The following HERC3 variants were observed in gnomAD, a reference collection of about 807,000 sequenced individuals.
HERC3 encodes probable E3 ubiquitin-protein ligase HERC3.
In HERC3, 58 loss-of-function variants were observed where a neutral mutation model predicts 129.9. That is an observed-to-expected ratio of 0.45 (90% CI 0.36 to 0.56). HERC3 has a LOEUF of 0.56. HERC3 is among the 20% of genes least tolerant of loss of function. The pLI, the probability that HERC3 is intolerant of heterozygous loss-of-function variation, is 0.00. For missense variants in HERC3, 835 were observed against 1,244.2 expected, an observed-to-expected ratio of 0.67 and a Z score of 4.95; for synonymous variants, 430 against 451.0, an observed-to-expected ratio of 0.95 and a Z score of 0.59.
chr4:88,544,203 G>A, the HERC3 span, among the ~76,000 whole-genome samples: 5,974 of 152,050 alleles, frequency 0.039, 163 homozygotes, highest in South Asian at 0.11. Context: ...GAATCTACAA[G>A]GAATGAAAAC....
the HERC3 span, among the ~76,000 whole-genome samples, chr4:88,587,017 A>T: frequency 5.9e-5 from 9 of 152,220 alleles, no homozygotes; most frequent in Non-Finnish European, 1.3e-4. Flanking sequence ...CAATTACAGT[A>T]TCTATAGTAT....
the HERC3 span, among the ~76,000 whole-genome samples, chr4:88,546,003 T>A: frequency 3.9e-5 from 6 of 152,200 alleles, no homozygotes; most frequent in Non-Finnish European, 8.8e-5. Context: ...AAATCACTTA[T>A]TAATAGTATA....
At chr4:88,537,387 T>G in the HERC3 span, among the ~76,000 whole-genome samples, 1 of 152,294 alleles carries the variant, frequency 6.6e-6, no homozygotes, top group South Asian at 2.1e-4. Flanking sequence ...ATTCCTCAAT[T>G]TGGATGTGTC....
chr4:88,643,553 C>T (rs1268303643), intron 3 of HERC3, among the ~76,000 whole-genome samples: 27 of 152,164 alleles, frequency 1.8e-4, no homozygotes. Flanking sequence ...TCCAATAGAA[C>T]AGAATAAAGC....
At chr4:88,692,529 A>G (rs1734178810) in intron 23 of HERC3, among the ~76,000 whole-genome samples, 1 of 152,214 alleles carries the variant, frequency 6.6e-6, no homozygotes, top group Admixed American at 6.5e-5. Context: ...GACCGCTGGC[A>G]GACTTCAGTT....
chr4:88,593,999 C>G (rs1288527451), intron 1 of HERC3, among the ~76,000 whole-genome samples: 1 of 152,148 alleles, frequency 6.6e-6, no homozygotes, highest in Non-Finnish European at 1.5e-5. Context: ...GCCTTCGAGG[C>G]TAGGAACTTT....
chr4:88,676,279 C>T, intron 17 of HERC3, 38 bp downstream of exon 17: 1 of 1,570,138 alleles, frequency 6.4e-7, no homozygotes, highest in Non-Finnish European at 8.8e-7. Flanking sequence ...TATATTTTTC[C>T]AGCTATACTT....
At chr4:88,622,884 G>A (rs978562726) in intron 3 of HERC3, among the ~76,000 whole-genome samples, 2 of 152,138 alleles carry the variant, frequency 1.3e-5, no homozygotes, top group Non-Finnish European at 2.9e-5. Flanking sequence ...AGCTGAAATT[G>A]CGTCACTGCA....
At chr4:88,613,630 A>G (rs1389840899) in intron 3 of HERC3, among the ~76,000 whole-genome samples, 1 of 152,260 alleles carries the variant, frequency 6.6e-6, no homozygotes. Flanking sequence ...CTGAGCTGAA[A>G]GGAAATAGAA....
At position 88,667,403 on chromosome 4, in the gene HERC3, C is replaced by T; in HGVS notation, c.1358C>T (p.Pro453Leu). Residue 453 changes from proline to leucine, a missense_variant, in exon 13 of 26, where the codon CCC (proline) becomes CTC (leucine). Physicochemically the swap from Pro to Leu is moderately conservative, Grantham distance 98. Coordinates refer to ENST00000402738, the MANE Select transcript of HERC3 (RefSeq NM_014606.3). ...KKIDEHFKTS[P>L]KIPGIDLNST... ...ATTGATGAACATTTTAAAACGAGTC[C>T]CAAAATCCCTGGGATTGACCTGAAC... The T allele has an allele frequency of 1.2e-6, 2 of 1,601,072 alleles. No homozygotes were observed. Among genetic ancestry groups the T allele is most frequent in the Non-Finnish European group, 1.7e-6 (2 of 1,173,882 alleles).
chr4:88,525,193 A>T, the HERC3 span, among the ~76,000 whole-genome samples: 9 of 152,214 alleles, frequency 5.9e-5, no homozygotes, highest in African/African-American at 2.2e-4. Context: ...CTCACAAAGC[A>T]ATCTTTCACA....
chr4:88,674,357 A>G (rs1731935785), intron 16 of HERC3, among the ~76,000 whole-genome samples: 2 of 152,218 alleles, frequency 1.3e-5, no homozygotes, highest in African/African-American at 4.8e-5. Flanking sequence ...AAATGTCAGT[A>G]TGTACTTAAA....
Position 88,655,962 on chromosome 4 carries a change from T to C in HERC3, c.996T>C (p.Thr332=). The change falls in exon 9 of 26, where the codon ACT becomes ACC. Residue 332 remains threonine, a synonymous_variant. Transcript: ENST00000402738. Reference sequence around the variant, plus strand: ...GAGGTCAATTAGGAACTGGGCACACTTGTAATGTTAAGTGCCCATCTCCTG... The same window carrying C: ...GAGGTCAATTAGGAACTGGGCACACCTGTAATGTTAAGTGCCCATCTCCTG... ...GARGQLGTGH[T]CNVKCPSPVK... The C allele has an allele frequency of 6.2e-7, 1 of 1,614,092 alleles. No individual in the cohort carries two copies. Among genetic ancestry groups the C allele is most frequent in the Non-Finnish European group, 8.5e-7 (1 of 1,179,916 alleles).
At chr4:88,527,891 A>C in the HERC3 span, 1 of 286,978 alleles carries the variant, frequency 3.5e-6, no homozygotes, top group Admixed American at 3.8e-5. Flanking sequence ...TACCACTGGG[A>C]CAACAGCACC....
At chr4:88,609,528 T>TCTCAAGCAATCTGCCTGCC in intron 3 of HERC3, among the ~76,000 whole-genome samples, 1 of 152,180 alleles carries the variant, frequency 6.6e-6, no homozygotes, top group African/African-American at 2.4e-5. Flanking sequence ...GGGATCTAGT[T>TCTCAAGCAATCTGCCTGCC]TTTTATCTAC....
the HERC3 span, among the ~76,000 whole-genome samples, chr4:88,551,134 T>G: frequency 2.0e-5 from 3 of 151,654 alleles, no homozygotes; most frequent in Middle Eastern, 6.8e-3. Context: ...AAAAATTAAT[T>G]CAAGATGGAT....
At chr4:88,677,349 T>A (rs1465268408) in intron 18 of HERC3, among the ~76,000 whole-genome samples, 1 of 152,158 alleles carries the variant, frequency 6.6e-6, no homozygotes, top group African/African-American at 2.4e-5. Context: ...TATAATTGAT[T>A]TTGACAAGCC....
chr4:88,563,833 T>G, the HERC3 span, among the ~76,000 whole-genome samples: 1 of 152,052 alleles, frequency 6.6e-6, no homozygotes, highest in Admixed American at 6.6e-5. Context: ...TAATTTTGTA[T>G]TTTTAGTAGA....
chr4:88,528,087 T>C, the HERC3 span: 10 of 282,848 alleles, frequency 3.5e-5, no homozygotes, highest in East Asian at 1.0e-4. Flanking sequence ...TCTGTGTATA[T>C]GTGCAATCCA....
Sources: gnomAD v4.1 joint callset for allele counts (sites outside exome capture counted in the v4.1 genomes callset) on GRCh38, gnomAD v4.1.1 for gene constraint, MANE v1.5 for transcripts, NCBI Gene and HGNC (gene_info 2026-07-23, HGNC 2026-07-21) for gene names.